Variants in ADORA1 observed in about 807,000 individuals in gnomAD.
The protein encoded by ADORA1 is adenosine A1 receptor.
A neutral mutation model predicts 19.9 loss-of-function variants in ADORA1; 6 were observed. The observed-to-expected ratio is 0.30, with a 90% CI of 0.17 to 0.59. The LOEUF (loss-of-function observed/expected upper bound fraction) is 0.59, where lower values mean the gene tolerates loss of function less well. Ranked by LOEUF, ADORA1 falls within the 20% of genes least tolerant of loss-of-function variation. The probability of loss-of-function intolerance (pLI) is 0.87; values close to 1 mark genes in which losing one functional copy is unlikely to be tolerated. For missense variants in ADORA1, 302 were observed against 439.2 expected (o/e 0.69, Z 2.79); for synonymous variants, 194 against 188.4 (o/e 1.03, Z -0.24).
At chr1:203,156,257 G>C (rs773885310) in intron 3 of ADORA1, among the ~76,000 whole-genome samples, 3 of 152,042 alleles carry the variant, frequency 2.0e-5, no homozygotes, top group African/African-American at 7.3e-5. Context: ...AGAGGGAGGA[G>C]GGAGAGAGTC....
rs1654242282 is a variant in ADORA1 at position 203,128,913 on chromosome 1, G to A, written c.72G>A (p.Val24=). ...GIEVLIALVS[V]PGNVLVIWAV... ...AGGTGCTCATCGCCCTGGTCTCTGT[G>A]CCCGGGAACGTGCTGGTGATCTGGG... The change falls in exon 3 of 4, where the codon GTG becomes GTA. Residue 24 remains valine (V), a synonymous_variant. Transcript: ENST00000337894. The surrounding 1 kb of genome is among the most constrained non-coding windows in gnomAD (Gnocchi z 5.9). 1 of 1,613,602 alleles carries A rather than the reference G, an allele frequency of 6.2e-7. No homozygotes were observed. Among genetic ancestry groups the A allele is most frequent in the South Asian group, 1.1e-5 (1 of 91,080 alleles).
intron 3 of ADORA1, chr1:203,129,515 G>A (rs999962191): frequency 9.4e-6 from 3 of 319,946 alleles, no homozygotes; most frequent in Admixed American, 4.8e-5. Flanking sequence ...GTCACAGTGA[G>A]TGCTGGGTAG....
Position 203,132,286 on chromosome 1 carries a change from G to A in ADORA1, c.341+3104G>A, listed in dbSNP as rs551220104. The stretch of plus-strand genomic sequence containing the variant: ...TAACCCCTCACCCAGAGCTTTCTTG[G>A]TGGCAATTTGGTGCCTACTCCCGAG... On this transcript the variant is annotated intron_variant, in intron 3 of 3. Coordinates refer to ENST00000337894, the MANE Select transcript of ADORA1 (RefSeq NM_000674.3). Among the ~76,000 whole-genome samples the A allele has an allele frequency of 3.5e-4, 53 of 152,142 alleles. 1 individual carries two copies. The highest frequency in any genetic ancestry group is 1.2e-3 in the African/African-American group (48 of 41,512).
At chr1:203,145,969 A>T (rs1345255888) in intron 3 of ADORA1, among the ~76,000 whole-genome samples, 1 of 152,162 alleles carries the variant, frequency 6.6e-6, no homozygotes, top group South Asian at 2.1e-4. Flanking sequence ...CTCAGGTCAG[A>T]GTGTGTTCTG....
intron 3 of ADORA1, among the ~76,000 whole-genome samples, chr1:203,146,133 C>A (rs1654851263): frequency 6.6e-6 from 1 of 151,844 alleles, no homozygotes. Flanking sequence ...GGGAGGGGTG[C>A]CTACATGTTG....
At position 203,146,641 on chromosome 1, in the gene ADORA1, A is replaced by G. The variant is rs868162693; in HGVS notation, c.341+17459A>G. ...AAGCCTGTCTCAAAAAAAAAAAAAAAAGAGAAAGAGAGAGAATACAAGATC... is the reference window on the plus strand; with the variant it reads ...AAGCCTGTCTCAAAAAAAAAAAAAAGAGAGAAAGAGAGAGAATACAAGATC... On this transcript the variant is annotated intron_variant, in intron 3 of 3. Coordinates refer to ENST00000337894, the MANE Select transcript of ADORA1 (RefSeq NM_000674.3). 4.4e-4 allele frequency among the ~76,000 whole-genome samples: 66 copies of G among 151,722 alleles called. 1 individual carries two copies. The highest frequency in any genetic ancestry group is 3.4e-3 in the Middle Eastern group (1 of 294).
chr1:203,161,191 C>T (rs961795992), intron 3 of ADORA1, among the ~76,000 whole-genome samples: 2 of 152,238 alleles, frequency 1.3e-5, no homozygotes, highest in Non-Finnish European at 2.9e-5. Flanking sequence ...CCCTTTCCCT[C>T]TCAGGGTCTC....
chr1:203,165,292 G>A lies in ADORA1; in HGVS notation c.373G>A (p.Ala125Thr), dbSNP rs777915364. Residue 125 changes from alanine to threonine, a missense_variant, in exon 4 of 4, where the codon GCG (alanine) becomes ACG (threonine). Ala to Thr is a moderately conservative substitution (Grantham distance 58). Transcript: ENST00000337894. This position sits in a 1 kb window ranked among gnomAD's most constrained non-coding sequence, Gnocchi z 5.9. ...GATGGTGGTGACCCCCCGGAGGGCG[G>A]CGGTGGCCATAGCCGGCTGCTGGAT... ...YKMVVTPRRA[A>T]VAIAGCWILS... 6 of 1,572,138 alleles carry A rather than the reference G, an allele frequency of 3.8e-6. No individual in the cohort carries two copies. The highest frequency in any genetic ancestry group is 4.3e-6 in the Non-Finnish European group (5 of 1,159,048).
Position 203,166,044 on chromosome 1 carries a change from C to T in ADORA1, c.*144C>T. 9.0e-7 allele frequency: 1 copy of T among 1,112,370 alleles called. No homozygotes were observed. The highest frequency in any genetic ancestry group is 3.0e-4 in the Middle Eastern group (1 of 3,306). The allele number at this position is 1,112,370 out of a possible 1,614,324, so 68.9% of individuals were successfully genotyped here. A position where few individuals can be genotyped will look rare whatever the true frequency, so the allele number is the denominator to read the frequency against. On this transcript the variant is annotated 3_prime_UTR_variant, in exon 4 of 4. Coordinates refer to ENST00000337894, the MANE Select transcript of ADORA1 (RefSeq NM_000674.3). The stretch of plus-strand genomic sequence containing the variant: ...GGGGGAGGCTCTGAAGAGATACCCA[C>T]AGAGTGTGGTCCCTCCACTAGGAGT...
chr1:203,142,643 C>G (rs369258481), intron 3 of ADORA1, among the ~76,000 whole-genome samples: 1 of 152,270 alleles, frequency 6.6e-6, no homozygotes, highest in Non-Finnish European at 1.5e-5. Flanking sequence ...GTATCCTGGT[C>G]TCCTGACTCT....
intron 3 of ADORA1, among the ~76,000 whole-genome samples, chr1:203,150,342 C>G (rs1654992455): frequency 6.6e-6 from 1 of 152,240 alleles, no homozygotes; most frequent in Admixed American, 6.5e-5. Flanking sequence ...ATGCTAAACT[C>G]TTCTGTGTGC....
chr1:203,150,622 C>G (rs1047910130), intron 3 of ADORA1: 19 of 1,289,316 alleles, frequency 1.5e-5, no homozygotes, highest in African/African-American at 3.0e-5. Context: ...TATGACTGTA[C>G]TTCTTCCAGG....
intron 3 of ADORA1, among the ~76,000 whole-genome samples, chr1:203,162,653 C>T (rs12026765): frequency 0.22 from 32,938 of 152,070 alleles, 5,236 homozygotes; most frequent in African/African-American, 0.45. Context: ...TGCCAATCAT[C>T]TGCATCTCAA....
chr1:203,131,808 G>A (rs559804323), intron 3 of ADORA1, among the ~76,000 whole-genome samples: 19 of 152,150 alleles, frequency 1.2e-4, no homozygotes, highest in Non-Finnish European at 2.2e-4. Context: ...TCCCCTCTAC[G>A]TGGCTGGAGT....
intron 3 of ADORA1, among the ~76,000 whole-genome samples, chr1:203,130,201 C>T (rs1571778636): frequency 6.6e-6 from 1 of 152,254 alleles, no homozygotes; most frequent in African/African-American, 2.4e-5. Context: ...TCTGACCTCA[C>T]TTGGCCCCTT....
At chr1:203,146,242 A>G (rs1348889746) in intron 3 of ADORA1, among the ~76,000 whole-genome samples, 1 of 152,086 alleles carries the variant, frequency 6.6e-6, no homozygotes, top group East Asian at 1.9e-4. Flanking sequence ...TAGCAGATTT[A>G]ATTTTATTTA....
chr1:203,167,362 TCCCAAGGGA>T lies in ADORA1; in HGVS notation c.*1463_*1471del, dbSNP rs1379267159. 2 of 152,256 alleles carry T rather than the reference TCCCAAGGGA, an allele frequency of 1.3e-5. No homozygotes were observed. 9.4% of individuals were successfully genotyped at this position (152,256 alleles called of 1,614,324 possible). On this transcript the variant is annotated 3_prime_UTR_variant, in exon 4 of 4. Transcript: ENST00000337894. ...TGTTGGAAATTGGGTGTGCCCTGGC[TCCCAAGGGA>T]GGCCCATGTGACTAATAAAAAACTG...
At chr1:203,138,594 T>C (rs976958925) in intron 3 of ADORA1, among the ~76,000 whole-genome samples, 22 of 152,188 alleles carry the variant, frequency 1.4e-4, no homozygotes, top group Admixed American at 1.4e-3. Flanking sequence ...GGACTGAGAA[T>C]TACCAGCGGA....
rs190623698 is a variant in ADORA1 at position 203,148,090 on chromosome 1, G to A, written c.342-17171G>A. On this transcript the variant is annotated intron_variant, in intron 3 of 3. Coordinates refer to ENST00000337894, the MANE Select transcript of ADORA1 (RefSeq NM_000674.3). The stretch of plus-strand genomic sequence containing the variant: ...AAAAATTAGCCAGGCGTGGTGGCGG[G>A]CGCCTGTAGTCCCAGCTACTCGGGA... 2.4e-4 allele frequency among the ~76,000 whole-genome samples: 36 copies of A among 152,256 alleles called. No homozygotes were observed. In the East Asian group the frequency reaches 6.2e-3, roughly 26 times the overall value.
Sources: allele counts gnomAD v4.1 joint callset (sites outside exome capture counted in the v4.1 genomes callset), GRCh38; gene constraint gnomAD v4.1.1; non-coding constraint Gnocchi (gnomAD v3.1); transcripts MANE v1.5; gene names NCBI Gene and HGNC (gene_info 2026-07-23, HGNC 2026-07-21).